Variants in GGA2 observed in about 807,000 individuals in gnomAD.
GGA2 encodes the protein ADP-ribosylation factor-binding protein GGA2.
A neutral mutation model predicts 79.5 loss-of-function variants in GGA2; 48 were observed. The ratio of observed to expected loss-of-function variants is 0.60; its 90% CI spans 0.48 to 0.77. GGA2 has a LOEUF of 0.77. Ranked by LOEUF, GGA2 falls within the 30% of genes least tolerant of loss-of-function variation. GGA2 has a pLI of 0.00. For missense variants in GGA2, 770 were observed against 774.0 expected, an observed-to-expected ratio of 0.99 and a Z score of 0.06; for synonymous variants, 317 against 302.0, an observed-to-expected ratio of 1.05 and a Z score of -0.51.
At chr16:23,509,538 C>G (rs1965011780) in intron 1 of GGA2, among the ~76,000 whole-genome samples, 1 of 152,052 alleles carries the variant, frequency 6.6e-6, no homozygotes, top group Non-Finnish European at 1.5e-5. Flanking sequence ...TCTCAGTGTT[C>G]CTGGCACCTA....
intron 5 of GGA2, among the ~76,000 whole-genome samples, chr16:23,490,878 GCATTT>G (rs1470340163): frequency 6.6e-6 from 1 of 152,052 alleles, no homozygotes; most frequent in East Asian, 1.9e-4. Flanking sequence ...CTCATAGGTA[GCATTT>G]ATCTGTACTT....
At chr16:23,512,973 G>C (rs896809390), upstream of GGA2, among the ~76,000 whole-genome samples, 1 of 151,950 alleles carries the variant, frequency 6.6e-6, no homozygotes, top group Non-Finnish European at 1.5e-5. Context: ...CCAAAGTGTC[G>C]GAATTACAGG....
chr16:23,510,096 A>AG (rs1965020308), intron 1 of GGA2, among the ~76,000 whole-genome samples: 1 of 6,584 alleles, frequency 1.5e-4, no homozygotes, highest in Admixed American at 1.2e-3. Context: ...GGGTGGGCGG[A>AG]GGGGGAGGGG....
At chr16:23,469,320 T>C in intron 15 of GGA2, 1 of 255,672 alleles carries the variant, frequency 3.9e-6, no homozygotes, top group South Asian at 7.4e-5. Flanking sequence ...TGACCTTGAG[T>C]AAAATATTTA....
chr16:23,472,517 G>A (rs1239718320), intron 14 of GGA2, among the ~76,000 whole-genome samples: 1 of 151,292 alleles, frequency 6.6e-6, no homozygotes, highest in East Asian at 2.0e-4. Context: ...GTTTTTAACA[G>A]CAAACAGGTA....
chr16:23,494,324 C>G lies in GGA2; in HGVS notation c.231G>C (p.Lys77Asn). The G allele has an allele frequency of 6.2e-7, 1 of 1,612,166 alleles. No homozygotes were observed. The highest frequency in any genetic ancestry group is 1.1e-5 in the South Asian group (1 of 91,048). Residue 77 changes from lysine (K) to asparagine (N), a missense_variant, in exon 3 of 17, where the codon AAG (lysine) becomes AAC (asparagine). Physicochemically the swap from Lys to Asn is moderately conservative, Grantham distance 94 (BLOSUM62 0). Coordinates refer to ENST00000309859, the MANE Select transcript of GGA2 (RefSeq NM_015044.4). ...TCACCGTTAAGGCATAAAGAGCTTC[C>G]TTCTCTTGCGGAGACTGGATCTTGT... ...LAHKIQSPQE[K>N]EALYALTVLE...
upstream of GGA2, chr16:23,522,777 G>A (rs9707): frequency 0.82 from 124,956 of 152,132 alleles, 51,414 homozygotes; most frequent in Middle Eastern, 0.89. Context: ...CTGACGTTCC[G>A]GAGCAGCTTC....
chr16:23,494,213 T>G, intron 3 of GGA2, 90 bp downstream of exon 3: 1 of 864,454 alleles, frequency 1.2e-6, no homozygotes. Context: ...CCTTCTCCAG[T>G]GAAAAGGATC....
At chr16:23,486,269 T>C in intron 7 of GGA2, 117 bp from the exon 8 acceptor site, 1 of 869,178 alleles carries the variant, frequency 1.2e-6, no homozygotes, top group East Asian at 2.5e-5. Context: ...CACCAGGATG[T>C]TAAGTGCATG....
At chr16:23,486,605 C>G in intron 7 of GGA2, 105 bp downstream of exon 7, 2 of 782,206 alleles carry the variant, frequency 2.6e-6, no homozygotes, top group Admixed American at 1.7e-5. Flanking sequence ...GCCACTCTTT[C>G]TCCCAGGCAA....
chr16:23,469,988 T>C lies in GGA2; in HGVS notation c.1620+8A>G, dbSNP rs1231501058. On this transcript the variant is annotated splice_region_variant and intron_variant, in intron 15 of 16. Coordinates refer to ENST00000309859, the MANE Select transcript of GGA2 (RefSeq NM_015044.4). ...CCATTACTGAGAAATCCCCAACAGA[T>C]GACTCACCTTTGGCACAGCCACTTG... 9 of 1,509,264 alleles carry C rather than the reference T, an allele frequency of 6.0e-6. No homozygotes were observed. Among genetic ancestry groups the C allele is most frequent in the Non-Finnish European group, 7.1e-6 (8 of 1,126,214 alleles). The allele number at this position is 1,509,264 out of a possible 1,614,324, so 93.5% of individuals were successfully genotyped here.
chr16:23,520,491 C>A (rs905892293), intron 1 of GGA2, among the ~76,000 whole-genome samples: 11 of 151,866 alleles, frequency 7.2e-5, no homozygotes, highest in African/African-American at 2.7e-4. Flanking sequence ...GTATGAAATT[C>A]CTTCAAACAC....
chr16:23,488,561 A>G, intron 6 of GGA2, 45 bp downstream of exon 6: 1 of 1,129,070 alleles, frequency 8.9e-7, no homozygotes, highest in Non-Finnish European at 1.4e-6. Context: ...TACAGTGCCT[A>G]AGAGAAAAGG....
chr16:23,509,490 A>C (rs2142146552), intron 1 of GGA2, among the ~76,000 whole-genome samples: 1 of 152,212 alleles, frequency 6.6e-6, no homozygotes, highest in East Asian at 1.9e-4. Context: ...TGTACCCACT[A>C]AAAAATGTTT....
intron 2 of GGA2, 54 bp from the exon 3 acceptor site, chr16:23,494,432 G>T: frequency 1.8e-6 from 2 of 1,109,032 alleles, no homozygotes; most frequent in Non-Finnish European, 2.8e-6. Context: ...AAACTAACCC[G>T]AGTGGCTGAG....
At position 23,510,460 on chromosome 16, in the gene GGA2, G is replaced by C; in HGVS notation, c.-49C>G. ...CGCGGGCGCCACTGCCTCTTCAGCC[G>C]CTGTAGCGTCCTGGCGCTCTCCTCT... is the stretch of plus-strand genomic sequence containing the variant. On this transcript the variant is annotated 5_prime_UTR_variant, in exon 1 of 17. Transcript: ENST00000309859. The C allele has an allele frequency of 1.5e-6, 1 of 653,340 alleles. No homozygotes were observed. The highest frequency in any genetic ancestry group is 2.2e-6 in the Non-Finnish European group (1 of 447,166). 40.5% of individuals were successfully genotyped at this position (653,340 alleles called of 1,614,324 possible).
At chr16:23,480,862 G>GCTAGA in intron 9 of GGA2, 92 bp from the exon 10 acceptor site, 1 of 1,227,436 alleles carries the variant, frequency 8.1e-7, no homozygotes, top group Admixed American at 1.8e-5. Context: ...CCTTCATATG[G>GCTAGA]CTAGACTATG....
chr16:23,498,485 T>TG (rs1275427203), intron 1 of GGA2, among the ~76,000 whole-genome samples: 1 of 152,098 alleles, frequency 6.6e-6, no homozygotes, highest in Admixed American at 6.6e-5. Flanking sequence ...TCCCAGCACT[T>TG]TGGAGGCCAA....
intron 1 of GGA2, among the ~76,000 whole-genome samples, chr16:23,498,564 C>A (rs569086564): frequency 6.6e-6 from 1 of 152,282 alleles, no homozygotes; most frequent in East Asian, 1.9e-4. Flanking sequence ...CCCATCTCTA[C>A]AAATATGTTT....
Sources: gnomAD v4.1 joint callset for allele counts (sites outside exome capture counted in the v4.1 genomes callset) on GRCh38, gnomAD v4.1.1 for gene constraint, MANE v1.5 for transcripts, NCBI Gene and HGNC (gene_info 2026-07-23, HGNC 2026-07-21) for gene names.